RBFOX1: variants seen among roughly 807,000 people sequenced by gnomAD.
RBFOX1 encodes RNA binding fox-1 homolog 1.
RBFOX1 carries 8 observed loss-of-function variants against 57.7 expected under a neutral mutation model. That is an observed-to-expected ratio of 0.14 (90% CI 0.08 to 0.25). RBFOX1 has a LOEUF of 0.25. RBFOX1 is among the 10% of genes least tolerant of loss of function. The pLI, the probability that RBFOX1 is intolerant of heterozygous loss-of-function variation, is 1.00. For missense variants in RBFOX1, 611 were observed against 548.5 expected (o/e 1.11, Z -1.14); for synonymous variants, 326 against 222.4 (o/e 1.47, Z -4.15).
chr16:6,955,383 C>T (rs564813637), intron 3 of RBFOX1, among the ~76,000 whole-genome samples: 40 of 151,872 alleles, frequency 2.6e-4, no homozygotes, highest in African/African-American at 9.0e-4. Flanking sequence ...CGTGCACATA[C>T]ACACACTCAA....
At chr16:6,471,343 A>G (rs566414520) in intron 2 of RBFOX1, among the ~76,000 whole-genome samples, 2 of 152,208 alleles carry the variant, frequency 1.3e-5, no homozygotes, top group African/African-American at 4.8e-5. Context: ...AAGTAGATGC[A>G]TAGCACAATT....
At chr16:7,132,849 A>G (rs1439137342) in intron 4 of RBFOX1, among the ~76,000 whole-genome samples, 1 of 152,224 alleles carries the variant, frequency 6.6e-6, no homozygotes. Context: ...ACTGCCATAA[A>G]GCAAGAGAAT....
At chr16:6,973,578 G>A (rs776679825) in intron 3 of RBFOX1, among the ~76,000 whole-genome samples, 68 of 152,134 alleles carry the variant, frequency 4.5e-4, no homozygotes, top group African/African-American at 1.1e-3. Context: ...TTCTTCCCGA[G>A]GGGATTGTAA....
intron 3 of RBFOX1, among the ~76,000 whole-genome samples, chr16:6,885,703 T>A (rs1284015387): frequency 1.3e-5 from 2 of 152,028 alleles, no homozygotes; most frequent in African/African-American, 4.8e-5. Flanking sequence ...AGCTAATTTT[T>A]CTATCTTTAG....
intron 4 of RBFOX1, among the ~76,000 whole-genome samples, chr16:7,279,120 C>T (rs1235036788): frequency 1.4e-5 from 2 of 147,738 alleles, no homozygotes; most frequent in East Asian, 2.0e-4. Context: ...TTTTCTCTTT[C>T]CTTTTCTTTC....
At chr16:7,384,442 G>C (rs2097844457) in intron 4 of RBFOX1, among the ~76,000 whole-genome samples, 1 of 152,152 alleles carries the variant, frequency 6.6e-6, no homozygotes, top group South Asian at 2.1e-4. Flanking sequence ...ATTTAGGCTT[G>C]GAGCTGATAT....
In RBFOX1 at chr16:5,425,359, C is replaced by G. The variant is rs565987462; in HGVS notation, c.220-41857C>G. On this transcript the variant is annotated intron_variant, in intron 1 of 2. Coordinates refer to the RBFOX1 transcript ENST00000585867. Reference sequence around the variant, plus strand: ...GACCTCATGATCCGCCCACCTTGGCCTCCCAAAGCGCTGGGATTACAGGCA... The same window carrying G: ...GACCTCATGATCCGCCCACCTTGGCGTCCCAAAGCGCTGGGATTACAGGCA... Among the ~76,000 whole-genome samples, 11 of 152,240 alleles carry G rather than the reference C, an allele frequency of 7.2e-5. No homozygotes were observed. In the South Asian group the frequency reaches 2.3e-3, roughly 32 times the overall value.
At chr16:7,350,806 G>T (rs1206782762) in intron 4 of RBFOX1, among the ~76,000 whole-genome samples, 2 of 152,172 alleles carry the variant, frequency 1.3e-5, no homozygotes, top group Non-Finnish European at 2.9e-5. Flanking sequence ...AGAGGTAGAG[G>T]ACCAGGGAGT....
intron 5 of RBFOX1, among the ~76,000 whole-genome samples, chr16:7,547,917 T>C (rs1363205274): frequency 6.6e-6 from 1 of 152,230 alleles, no homozygotes; most frequent in African/African-American, 2.4e-5. Flanking sequence ...TGTTCCCGTT[T>C]GGCTTTGCTC....
chr16:7,645,206 A>G (rs1194061042), intron 11 of RBFOX1, among the ~76,000 whole-genome samples: 1 of 152,072 alleles, frequency 6.6e-6, no homozygotes, highest in Non-Finnish European at 1.5e-5. Context: ...GCTAATTTGG[A>G]TTTGACTAAA....
intron 1 of RBFOX1, among the ~76,000 whole-genome samples, chr16:6,062,950 C>A (rs1037078030): frequency 2.0e-5 from 3 of 152,152 alleles, no homozygotes; most frequent in Non-Finnish European, 4.4e-5. Flanking sequence ...GGCACAATTC[C>A]TTCTCCAGAA....
Position 5,458,053 on chromosome 16 carries a change from C to T in RBFOX1, c.220-9163C>T, listed in dbSNP as rs111715113. On this transcript the variant is annotated intron_variant, in intron 1 of 2. Coordinates refer to the RBFOX1 transcript ENST00000585867. ...ATTGTCTTCTGGGCAGAAAAAAATG[C>T]TTTAAGAACAGAATAGGAGATCATT... Among the ~76,000 whole-genome samples the T allele has an allele frequency of 2.5e-3, 377 of 152,254 alleles. 1 individual carries two copies. Among genetic ancestry groups the T allele is most frequent in the African/African-American group, 8.4e-3 (351 of 41,550 alleles).
At chr16:7,162,788 C>G (rs1332183728) in intron 4 of RBFOX1, among the ~76,000 whole-genome samples, 2 of 152,060 alleles carry the variant, frequency 1.3e-5, no homozygotes, top group African/African-American at 4.8e-5. Context: ...TTGAAAACAG[C>G]TCTCCTCCTC....
chr16:6,854,408 A>C (rs1253370692), intron 3 of RBFOX1, among the ~76,000 whole-genome samples: 2 of 151,994 alleles, frequency 1.3e-5, no homozygotes, highest in East Asian at 1.9e-4. Flanking sequence ...ATTTTATATA[A>C]ATATAGGATG....
intron 4 of RBFOX1, among the ~76,000 whole-genome samples, chr16:7,424,101 G>A (rs560434935): frequency 2.6e-5 from 4 of 152,186 alleles, no homozygotes. Flanking sequence ...TCTTTTTTAA[G>A]CATTCAGAGC....
At chr16:6,545,419 ATTC>A (rs1255496571) in intron 2 of RBFOX1, among the ~76,000 whole-genome samples, 1 of 151,790 alleles carries the variant, frequency 6.6e-6, no homozygotes, top group Non-Finnish European at 1.5e-5. Context: ...CCAGGCCATC[ATTC>A]TTAGGGCTTT....
chr16:5,781,139 C>T (rs1368773516), intron 3 of RBFOX1, among the ~76,000 whole-genome samples: 1 of 152,184 alleles, frequency 6.6e-6, no homozygotes, highest in East Asian at 1.9e-4. Flanking sequence ...GCCGAACAGT[C>T]ACCGAAAAGT....
intron 3 of RBFOX1, among the ~76,000 whole-genome samples, chr16:5,678,373 C>T (rs1201196710): frequency 6.6e-6 from 1 of 152,218 alleles, no homozygotes. Context: ...AAGTATTCGT[C>T]CCAAGAACTC....
intron 3 of RBFOX1, among the ~76,000 whole-genome samples, chr16:6,892,974 T>G (rs2065886395): frequency 6.6e-6 from 1 of 152,094 alleles, no homozygotes; most frequent in African/African-American, 2.4e-5. Flanking sequence ...TGATCTAGTT[T>G]TACTTTTAAT....
Sources: gnomAD v4.1 joint callset for allele counts (sites outside exome capture counted in the v4.1 genomes callset) on GRCh38, gnomAD v4.1.1 for gene constraint, MANE v1.5 for transcripts, NCBI Gene and HGNC (gene_info 2026-07-23, HGNC 2026-07-21) for gene names.